The following GUCA1C variants were observed in gnomAD, a reference collection of about 807,000 sequenced individuals.
GUCA1C encodes the protein guanylate cyclase activator 1C.
GUCA1C carries 15 observed loss-of-function variants against 16.2 expected under a neutral mutation model. The observed-to-expected ratio is 0.93, with a 90% CI of 0.62 to 1.43. The LOEUF (loss-of-function observed/expected upper bound fraction) is 1.43, where lower values mean the gene tolerates loss of function less well. GUCA1C is among the 40% of genes most tolerant of loss of function. The probability of loss-of-function intolerance (pLI) is 0.00; values close to 1 mark genes in which losing one functional copy is unlikely to be tolerated. For missense variants in GUCA1C, 275 were observed against 244.8 expected, an observed-to-expected ratio of 1.12 and a Z score of -0.82; for synonymous variants, 78 against 85.4, an observed-to-expected ratio of 0.91 and a Z score of 0.48.
At chr3:108,939,349 T>TTTTTTTTTTTTTTTTTTTTTA (rs1946762615) in intron 1 of GUCA1C, among the ~76,000 whole-genome samples, 2 of 140,636 alleles carry the variant, frequency 1.4e-5, no homozygotes, top group South Asian at 2.3e-4. Flanking sequence ...TTTTTTTTTT[T>TTTTTTTTTTTTTTTTTTTTTA]GAGACGGAAT....
At chr3:108,941,860 C>T (rs1056422476) in intron 1 of GUCA1C, among the ~76,000 whole-genome samples, 6 of 152,318 alleles carry the variant, frequency 3.9e-5, no homozygotes, top group Admixed American at 3.9e-4. Context: ...AAGTGTAGTC[C>T]TGACGACTGT....
intron 1 of GUCA1C, among the ~76,000 whole-genome samples, chr3:108,929,388 C>T (rs948333967): frequency 3.9e-5 from 6 of 152,062 alleles, no homozygotes; most frequent in Admixed American, 6.5e-5. Context: ...TTGAATATCA[C>T]GTTATTTGCA....
In GUCA1C at chr3:108,952,501, C is replaced by T. The variant is rs557547511; in HGVS notation, c.204+1058G>A. Among the ~76,000 whole-genome samples the T allele has an allele frequency of 1.1e-4, 16 of 152,290 alleles. No homozygotes were observed. The East Asian group carries it at 2.1e-3, about 20-fold the overall frequency. ...CTAAAGAAATCTGTTCCTGACATTG[C>T]TACAAGGATTAAAACAGCTGTTAAT... On this transcript the variant is annotated intron_variant, in intron 1 of 3. Coordinates refer to ENST00000261047, the MANE Select transcript of GUCA1C (RefSeq NM_005459.4).
intron 1 of GUCA1C, among the ~76,000 whole-genome samples, chr3:108,924,325 C>T (rs895696780): frequency 2.0e-5 from 3 of 152,162 alleles, no homozygotes; most frequent in East Asian, 3.9e-4. Flanking sequence ...CCTTCTATAC[C>T]AATTTTGCTG....
Position 108,916,168 on chromosome 3 carries a change from A to G in GUCA1C, c.401T>C (p.Phe134Ser). The G allele has an allele frequency of 6.2e-7, 1 of 1,613,616 alleles. No individual in the cohort carries two copies. The highest frequency in any genetic ancestry group is 8.5e-7 in the Non-Finnish European group (1 of 1,179,564). The change falls in exon 3 of 4, where the codon TTC becomes TCC. Residue 134 changes from phenylalanine (F) to serine (S), a missense_variant. Physicochemically the swap from Phe to Ser is radical, Grantham distance 155. Coordinates refer to ENST00000261047, the MANE Select transcript of GUCA1C (RefSeq NM_005459.4). ...NGQQTLSPEE[F>S]INLVFHKIDI... ...GATCTTATGGAACACCAAGTTGATGAATTCTTCAGGACTCAGAGTTTGCTG... is the reference window on the plus strand; with the variant it reads ...GATCTTATGGAACACCAAGTTGATGGATTCTTCAGGACTCAGAGTTTGCTG...
intron 1 of GUCA1C, among the ~76,000 whole-genome samples, chr3:108,928,909 T>C (rs974569540): frequency 6.6e-6 from 1 of 152,212 alleles, no homozygotes; most frequent in Non-Finnish European, 1.5e-5. Flanking sequence ...CAATATTATA[T>C]TGGCGATTCT....
chr3:108,916,484 G>A (rs1169553226), intron 2 of GUCA1C, among the ~76,000 whole-genome samples: 1 of 152,190 alleles, frequency 6.6e-6, no homozygotes, highest in African/African-American at 2.4e-5. Flanking sequence ...CAGATGCAAT[G>A]AGCCCATTGG....
intron 1 of GUCA1C, among the ~76,000 whole-genome samples, chr3:108,949,700 G>C (rs1023624745): frequency 6.6e-6 from 1 of 152,182 alleles, no homozygotes; most frequent in Non-Finnish European, 1.5e-5. Context: ...ACCTAGAGCA[G>C]TGTCAGGCAC....
Position 108,920,441 on chromosome 3 carries a change from A to T in GUCA1C, c.349T>A (p.Phe117Ile), listed in dbSNP as rs1459140528. The change falls in exon 2 of 4, where the codon TTC becomes ATC. Residue 117 changes from phenylalanine to isoleucine, a missense_variant. Transcript: ENST00000261047. ...SIDKNELLDMFMAVQALNGQQ... is the reference protein window; with the variant it reads ...SIDKNELLDMIMAVQALNGQQ... ...TACTTTACTACTTCACTTACCATGAACATGTCCAGTAGTTCATTTTTGTCA... is the reference window on the plus strand; with the variant it reads ...TACTTTACTACTTCACTTACCATGATCATGTCCAGTAGTTCATTTTTGTCA... 6.2e-7 allele frequency: 1 copy of T among 1,607,444 alleles called. No individual in the cohort carries two copies.
chr3:108,927,826 C>G (rs1461429390), intron 1 of GUCA1C, among the ~76,000 whole-genome samples: 4 of 152,064 alleles, frequency 2.6e-5, no homozygotes, highest in Non-Finnish European at 5.9e-5. Context: ...TTTCTGGTTC[C>G]TTCTCATTTG....
At chr3:108,921,131 C>T (rs922847525) in intron 1 of GUCA1C, among the ~76,000 whole-genome samples, 11 of 152,152 alleles carry the variant, frequency 7.2e-5, no homozygotes, top group Admixed American at 4.6e-4. Context: ...AATCTTTTTA[C>T]GGTCTCCATA....
intron 1 of GUCA1C, among the ~76,000 whole-genome samples, chr3:108,921,777 CT>C (rs1174386827): frequency 6.6e-6 from 1 of 151,852 alleles, no homozygotes. Context: ...GATTGTTTTC[CT>C]TTTTTCAATT....
At chr3:108,913,184 T>G (rs1425211531) in intron 3 of GUCA1C, among the ~76,000 whole-genome samples, 1 of 151,768 alleles carries the variant, frequency 6.6e-6, no homozygotes, top group Non-Finnish European at 1.5e-5. Flanking sequence ...CAATATTCAT[T>G]ATATTATCGG....
intron 1 of GUCA1C, among the ~76,000 whole-genome samples, chr3:108,923,914 G>A (rs1946594320): frequency 6.6e-6 from 1 of 152,128 alleles, no homozygotes; most frequent in Non-Finnish European, 1.5e-5. Flanking sequence ...TGCAGCTATT[G>A]TGAAAGGGGT....
In GUCA1C at chr3:108,924,217, G is replaced by C. The variant is rs150828444; in HGVS notation, c.205-3632C>G. Among the ~76,000 whole-genome samples the C allele has an allele frequency of 3.1e-3, 469 of 151,988 alleles. 3 individuals are homozygous for C. Among genetic ancestry groups the C allele is most frequent in the African/African-American group, 0.011 (449 of 41,502 alleles). On this transcript the variant is annotated intron_variant, in intron 1 of 3. Transcript: ENST00000261047. ...CAGAAGTGGTGAAAGTGGGCATCTT[G>C]TCTTATTCTCAGGGGAAATGCTTTC...
intron 1 of GUCA1C, among the ~76,000 whole-genome samples, chr3:108,932,692 C>A (rs957697038): frequency 6.6e-6 from 1 of 152,026 alleles, no homozygotes; most frequent in African/African-American, 2.4e-5. Flanking sequence ...GAGGCTGAGG[C>A]GGGTGGATCA....
Position 108,908,145 on chromosome 3 carries a change from A to G in GUCA1C, c.507T>C (p.Val169=). The G allele has an allele frequency of 6.2e-7, 1 of 1,613,874 alleles. No homozygotes were observed. The highest frequency in any genetic ancestry group is 8.5e-7 in the Non-Finnish European group (1 of 1,179,770). The change falls in exon 4 of 4, where the codon GTT becomes GTC. Residue 169 remains valine, a synonymous_variant. Transcript: ENST00000261047. ...CATTGGAGAAGTCGAAGCTCTTGTA[A>G]ACAATCTCCAGGAGATCCTGATCTT... ...MAKDQDLLEI[V]YKSFDFSNVL... is the part of the protein sequence containing the mutation.
intron 1 of GUCA1C, among the ~76,000 whole-genome samples, chr3:108,921,265 A>G (rs1402814531): frequency 6.6e-6 from 1 of 152,138 alleles, no homozygotes; most frequent in African/African-American, 2.4e-5. Flanking sequence ...ATGTCTTTCC[A>G]GGGTTTGATA....
chr3:108,941,997 A>G (rs554708826), intron 1 of GUCA1C, among the ~76,000 whole-genome samples: 1 of 152,248 alleles, frequency 6.6e-6, no homozygotes, highest in South Asian at 2.1e-4. Context: ...CTCCTGCTCT[A>G]ATTAGAGCTG....
Sources: gnomAD v4.1 joint callset for allele counts (sites outside exome capture counted in the v4.1 genomes callset) on GRCh38, gnomAD v4.1.1 for gene constraint, MANE v1.5 for transcripts, NCBI Gene and HGNC (gene_info 2026-07-23, HGNC 2026-07-21) for gene names.